Variants in SUPT3H observed in about 807,000 individuals in gnomAD.
SUPT3H encodes the protein transcription initiation protein SPT3 homolog.
Under a neutral mutation model 44.3 loss-of-function variants are expected in SUPT3H, and 44 were observed. The observed-to-expected ratio is 0.99, with a 90% CI of 0.78 to 1.28. SUPT3H has a LOEUF of 1.28. Among genes scored for constraint, SUPT3H ranks in the 50% most tolerant of loss-of-function variants. SUPT3H has a pLI of 0.00. For synonymous variants in SUPT3H, 124 were observed against 125.6 expected (o/e 0.99, Z 0.09); for missense variants, 380 against 387.1 (o/e 0.98, Z 0.15).
intron 10 of SUPT3H, among the ~76,000 whole-genome samples, chr6:44,856,152 G>C (rs968276062): frequency 1.4e-4 from 21 of 152,316 alleles, no homozygotes; most frequent in African/African-American, 5.1e-4. Flanking sequence ...CTTGTACTCA[G>C]TTGTCCTTTG....
chr6:45,319,708 T>C (rs1403002607), intron 2 of SUPT3H, among the ~76,000 whole-genome samples: 1 of 152,180 alleles, frequency 6.6e-6, no homozygotes, highest in African/African-American at 2.4e-5. Context: ...GAAGATGCAA[T>C]GACTGTTTCT....
At chr6:45,158,339 A>C (rs1808358139) in intron 2 of SUPT3H, among the ~76,000 whole-genome samples, 1 of 121,716 alleles carries the variant, frequency 8.2e-6, no homozygotes, top group Non-Finnish European at 1.6e-5. Context: ...TCACTATGTC[A>C]CCCAAGCTGG....
chr6:44,895,254 GTTTTTTTTT>G (rs60637782), intron 10 of SUPT3H, among the ~76,000 whole-genome samples: 3 of 119,336 alleles, frequency 2.5e-5, no homozygotes, highest in Non-Finnish European at 5.3e-5. Flanking sequence ...ACTTAGTCTT[GTTTTTTTTT>G]TTTTTTTTTT....
At chr6:45,088,338 T>A (rs980055923) in intron 3 of SUPT3H, among the ~76,000 whole-genome samples, 2 of 152,032 alleles carry the variant, frequency 1.3e-5, no homozygotes, top group Non-Finnish European at 1.5e-5. Flanking sequence ...GCTATGAATC[T>A]TCGAGCGCTC....
chr6:44,929,311 T>A (rs573988741), intron 10 of SUPT3H, among the ~76,000 whole-genome samples: 1 of 152,312 alleles, frequency 6.6e-6, no homozygotes, highest in African/African-American at 2.4e-5. Context: ...AGCAGATTTT[T>A]AAATATAGTA....
In SUPT3H at chr6:45,235,587, C is replaced by T. The variant is rs765378721; in HGVS notation, c.102-129581G>A. ...TTGATTTACTTTACAAACACACACG[C>T]GCATTTATTTTTAAGTAAATCAATT... On this transcript the variant is annotated intron_variant, in intron 2 of 10. Transcript: ENST00000371459. 4.9e-4 allele frequency among the ~76,000 whole-genome samples: 74 copies of T among 152,080 alleles called. 1 individual carries two copies. The highest frequency in any genetic ancestry group is 1.4e-3 in the East Asian group (7 of 5,178).
At chr6:45,349,079 A>G (rs552917743) in intron 2 of SUPT3H, among the ~76,000 whole-genome samples, 1 of 152,342 alleles carries the variant, frequency 6.6e-6, no homozygotes, top group East Asian at 1.9e-4. Flanking sequence ...TACGTAAATC[A>G]GTGGGATCCT....
intron 7 of SUPT3H, among the ~76,000 whole-genome samples, chr6:44,959,510 G>C (rs1775701369): frequency 6.6e-6 from 1 of 151,616 alleles, no homozygotes; most frequent in South Asian, 2.1e-4. Flanking sequence ...GAAAGTAAAG[G>C]ACTGGAAAAT....
At chr6:45,030,486 T>A (rs889134045) in intron 3 of SUPT3H, among the ~76,000 whole-genome samples, 2 of 152,156 alleles carry the variant, frequency 1.3e-5, no homozygotes, top group African/African-American at 4.8e-5. Flanking sequence ...TGTAAGAGAC[T>A]GAATTTCTTA....
In SUPT3H at chr6:45,084,187, T is replaced by C. The variant is rs79723783; in HGVS notation, c.186+21735A>G. Among the ~76,000 whole-genome samples, 1,308 of 152,210 alleles carry C rather than the reference T, an allele frequency of 8.6e-3. 22 individuals carry two copies. Among genetic ancestry groups the C allele is most frequent in the African/African-American group, 0.03 (1,232 of 41,528 alleles). On this transcript the variant is annotated intron_variant, in intron 3 of 10. Transcript: ENST00000371459. ...AGCTTCTGCACAGCAAAAGAAACTATTGACAGAGTACGTTAGAAAACTTGC... is the reference window on the plus strand; with the variant it reads ...AGCTTCTGCACAGCAAAAGAAACTACTGACAGAGTACGTTAGAAAACTTGC...
intron 10 of SUPT3H, among the ~76,000 whole-genome samples, chr6:44,922,409 A>G (rs1768874676): frequency 6.6e-6 from 1 of 152,238 alleles, no homozygotes; most frequent in African/African-American, 2.4e-5. Context: ...CAGCTACATC[A>G]GTAAATTAAA....
At position 44,885,045 on chromosome 6, in the gene SUPT3H, C is replaced by T. The variant is rs187807845; in HGVS notation, c.912+47608G>A. ...AGCAGTCTGAAATCAAACTGCAAGG[C>T]GGCAGTGAGGCTGGGGAAGGGGCAC... On this transcript the variant is annotated intron_variant, in intron 10 of 10. Transcript: ENST00000371459. 2.1e-3 allele frequency among the ~76,000 whole-genome samples: 316 copies of T among 152,246 alleles called. 3 individuals carry two copies. The highest frequency in any genetic ancestry group is 7.1e-3 in the African/African-American group (295 of 41,566).
chr6:45,210,937 G>A (rs185785614), intron 2 of SUPT3H, among the ~76,000 whole-genome samples: 1 of 152,190 alleles, frequency 6.6e-6, no homozygotes, highest in East Asian at 1.9e-4. Flanking sequence ...GAGAAGAAAA[G>A]GGAGCAAAAA....
In SUPT3H at chr6:45,188,205, A is replaced by G. The variant is rs184663429; in HGVS notation, c.102-82199T>C. On this transcript the variant is annotated intron_variant, in intron 2 of 10. Transcript: ENST00000371459. ...AACAGCAGTGATGCTGGCAATTCCA[A>G]TTTGCCAAAGAGATGCCATAAAGTG... 5.6e-3 allele frequency among the ~76,000 whole-genome samples: 858 copies of G among 152,374 alleles called. 4 individuals are homozygous for G. The highest frequency in any genetic ancestry group is 9.9e-3 in the Non-Finnish European group (674 of 68,040).
chr6:45,057,770 G>A (rs1302570401), intron 3 of SUPT3H, among the ~76,000 whole-genome samples: 3 of 152,088 alleles, frequency 2.0e-5, no homozygotes, highest in Non-Finnish European at 4.4e-5. Flanking sequence ...TGAAAACCTG[G>A]ATTTGTGAAA....
At chr6:44,999,183 G>C (rs940090665) in intron 6 of SUPT3H, among the ~76,000 whole-genome samples, 1 of 151,978 alleles carries the variant, frequency 6.6e-6, no homozygotes, top group Non-Finnish European at 1.5e-5. Context: ...GAGAGAAAGC[G>C]ACAGTAAGAA....
intron 2 of SUPT3H, among the ~76,000 whole-genome samples, chr6:45,314,859 G>A (rs1281467411): frequency 6.6e-6 from 1 of 152,088 alleles, no homozygotes; most frequent in East Asian, 1.9e-4. Flanking sequence ...AACAAATCTG[G>A]AGGCATCATA....
intron 3 of SUPT3H, among the ~76,000 whole-genome samples, chr6:45,071,168 T>C (rs917517990): frequency 6.6e-6 from 1 of 152,060 alleles, no homozygotes; most frequent in African/African-American, 2.4e-5. Flanking sequence ...TGGCAAGAGT[T>C]TCAAGTTAAT....
At chr6:44,907,456 C>A (rs1017801624) in intron 10 of SUPT3H, among the ~76,000 whole-genome samples, 4 of 152,280 alleles carry the variant, frequency 2.6e-5, no homozygotes, top group Admixed American at 2.0e-4. Context: ...ACGGGCGGAT[C>A]ACCTGAGGTG....
Sources: gnomAD v4.1 joint callset for allele counts (sites outside exome capture counted in the v4.1 genomes callset) on GRCh38, gnomAD v4.1.1 for gene constraint, MANE v1.5 for transcripts, NCBI Gene and HGNC (gene_info 2026-07-23, HGNC 2026-07-21) for gene names.